The following DNASE1L2 variants were observed in gnomAD, a reference collection of about 807,000 sequenced individuals.
The protein encoded by DNASE1L2 is deoxyribonuclease-1-like 2.
A neutral mutation model predicts 31.8 loss-of-function variants in DNASE1L2; 35 were observed. The ratio of observed to expected loss-of-function variants is 1.10; its 90% CI spans 0.84 to 1.46. The LOEUF (loss-of-function observed/expected upper bound fraction) is 1.46. DNASE1L2 is among the 40% of genes most tolerant of loss of function. The pLI is 0.00. For missense variants in DNASE1L2, 504 were observed against 418.8 expected (o/e 1.20, Z -1.77); for synonymous variants, 211 against 186.5 (o/e 1.13, Z -1.07).
In DNASE1L2 at chr16:2,238,515, C is replaced by CT; in HGVS notation, c.*97_*98insT. ...GGGTGGCAGCCACCCTTCAGTGAGG[C>CT]CCCAAGGCAGAGTCGGCTGGGCGTG... On this transcript the variant is annotated 3_prime_UTR_variant, in exon 7 of 7. Coordinates refer to ENST00000320700, the MANE Select transcript of DNASE1L2 (RefSeq NM_001374.3). The CT allele has an allele frequency of 6.8e-7, 1 of 1,466,378 alleles. No homozygotes were observed. Among genetic ancestry groups the CT allele is most frequent in the Non-Finnish European group, 9.5e-7 (1 of 1,051,854 alleles). The allele number at this position is 1,466,378 out of a possible 1,614,324, so 90.8% of individuals were successfully genotyped here.
At position 2,237,616 on chromosome 16, in the gene DNASE1L2, G is replaced by A. The variant is rs1337432361; in HGVS notation, c.558G>A (p.Val186=). ...CGGAGATCGACGCGCTCTACGACGT[G>A]TACCTGGACGTGATCGACAAGTGGG... ...AVAEIDALYD[V]YLDVIDKWGT... Residue 186 remains valine (V), a synonymous_variant, in exon 5 of 7, where the codon GTG becomes GTA. Transcript: ENST00000320700. The A allele has an allele frequency of 1.2e-6, 2 of 1,609,016 alleles. No individual in the cohort carries two copies. Among genetic ancestry groups the A allele is most frequent in the East Asian group, 4.5e-5 (2 of 44,706 alleles).
Position 2,237,287 on chromosome 16 carries a change from C to T in DNASE1L2, c.303C>T (p.Tyr101=), listed in dbSNP as rs200394725. The change falls in exon 4 of 7, where the codon TAC becomes TAT. Residue 101 remains tyrosine (Y), a synonymous_variant. Coordinates refer to ENST00000320700, the MANE Select transcript of DNASE1L2 (RefSeq NM_001374.3). ...GCCGGGACCAGTACAAGGAGATGTA[C>T]CTGTTCGTGTACAGGTGAGGGGCGG... ...PLGRDQYKEM[Y]LFVYRKDAVS... The T allele has an allele frequency of 8.5e-4, 1,345 of 1,589,266 alleles. No homozygotes were observed. The highest frequency in any genetic ancestry group is 1.1e-3 in the Non-Finnish European group (1,247 of 1,168,970).
At chr16:2,237,683 G>A in intron 5 of DNASE1L2, 34 bp downstream of exon 5, 3 of 1,588,918 alleles carry the variant, frequency 1.9e-6, no homozygotes, top group Non-Finnish European at 2.6e-6. Flanking sequence ...GGTCCCTGCA[G>A]GCGCGCCCCG....
Position 2,236,520 on chromosome 16 carries a change from C to G in DNASE1L2, c.-80C>G, listed in dbSNP as rs1035853237. Reference sequence around the variant, plus strand: ...GCCTGGACCCGGGATCCCCATCCCCCTAGGATCTCTGAGCCTCGGGCCTCT... The same window carrying G: ...GCCTGGACCCGGGATCCCCATCCCCGTAGGATCTCTGAGCCTCGGGCCTCT... On this transcript the variant is annotated 5_prime_UTR_variant, in exon 1 of 7. Transcript: ENST00000320700. 7.4e-6 allele frequency: 9 copies of G among 1,208,644 alleles called. No homozygotes were observed. The East Asian group carries it at 2.9e-4, about 38-fold the overall frequency. The allele number at this position is 1,208,644 out of a possible 1,614,324, so 74.9% of individuals were successfully genotyped here.
Position 2,237,809 on chromosome 16 carries a change from G to A in DNASE1L2, c.634G>A (p.Val212Met). Residue 212 changes from valine (V) to methionine (M), a missense_variant, in exon 6 of 7, where the codon GTG (valine) becomes ATG (methionine). Transcript: ENST00000320700. Reference sequence around the variant, plus strand: ...CGACTTCAACGCCGACTGCAGCTATGTGCGGGCGCAGGACTGGGCCGCCAT... The same window carrying A: ...CGACTTCAACGCCGACTGCAGCTATATGCGGGCGCAGGACTGGGCCGCCAT... ...LGDFNADCSY[V>M]RAQDWAAIRL... The A allele has an allele frequency of 1.2e-6, 2 of 1,610,688 alleles. No individual in the cohort carries two copies. The highest frequency in any genetic ancestry group is 2.2e-5 in the East Asian group (1 of 44,728).
chr16:2,238,445 C>A lies in DNASE1L2; in HGVS notation c.*27C>A. The A allele has an allele frequency of 6.2e-7, 1 of 1,612,990 alleles. No individual in the cohort carries two copies. The highest frequency in any genetic ancestry group is 8.5e-7 in the Non-Finnish European group (1 of 1,179,846). On this transcript the variant is annotated 3_prime_UTR_variant, in exon 7 of 7. Coordinates refer to ENST00000320700, the MANE Select transcript of DNASE1L2 (RefSeq NM_001374.3). ...TCGAGGCCTGGCTGGGGCATGCCAC[C>A]TGCAGACCCTGGCTCTGAGGAATGG...
Position 2,237,990 on chromosome 16 carries a change from A to G in DNASE1L2, c.815A>G (p.Gln272Arg), listed in dbSNP as rs749978804. The change falls in exon 6 of 7, where the codon CAG (glutamine) becomes CGG (arginine). Residue 272 changes from glutamine (Q) to arginine (R), a missense_variant. Transcript: ENST00000320700. Reference sequence around the variant, plus strand: ...CAGTCGGCCACCGTGCACGACTTCCAGGAGGAATTCGGCCTGGACCAGACT... The same window carrying G: ...CAGTCGGCCACCGTGCACGACTTCCGGGAGGAATTCGGCCTGGACCAGACT... Reference protein sequence around the residue: ...KPQSATVHDFQEEFGLDQTQA... With the variant: ...KPQSATVHDFREEFGLDQTQA... The G allele has an allele frequency of 2.5e-6, 4 of 1,605,094 alleles. No homozygotes were observed. Among genetic ancestry groups the G allele is most frequent in the Non-Finnish European group, 3.4e-6 (4 of 1,177,106 alleles).
In DNASE1L2 at chr16:2,236,904, C is replaced by G; in HGVS notation, c.88C>G (p.Gln30Glu). ...AALRIGAFNI[Q>E]SFGDSKVSDP... ...GCTTCGCATCGGAGCCTTCAACATT[C>G]AGAGCTTCGGTGACAGCAAAGTGTC... The change falls in exon 2 of 7, where the codon CAG (glutamine) becomes GAG (glutamate). Residue 30 changes from glutamine (Q) to glutamate (E), a missense_variant. Transcript: ENST00000320700. 1 of 1,592,200 alleles carries G rather than the reference C, an allele frequency of 6.3e-7. No individual in the cohort carries two copies. Among genetic ancestry groups the G allele is most frequent in the South Asian group, 1.1e-5 (1 of 88,382 alleles).
intron 1 of DNASE1L2, 70 bp downstream of exon 1, chr16:2,236,630 C>T: frequency 1.5e-6 from 2 of 1,357,938 alleles, no homozygotes; most frequent in Non-Finnish European, 1.9e-6. Context: ...CAGCTTCCCG[C>T]GCAGTGAGAA....
rs763288743 is a variant in DNASE1L2 at position 2,237,880 on chromosome 16, C to T, written c.705C>T (p.Ser235=). ...SEVFKWLIPD[S]ADTTVGNSDC... is the part of the protein sequence containing the mutation. ...TCTTCAAGTGGCTCATCCCTGACAGCGCCGACACCACGGTGGGCAACTCAG... is the reference window on the plus strand; with the variant it reads ...TCTTCAAGTGGCTCATCCCTGACAGTGCCGACACCACGGTGGGCAACTCAG... Residue 235 remains serine (S), a synonymous_variant, in exon 6 of 7, where the codon AGC becomes AGT. Transcript: ENST00000320700. The T allele has an allele frequency of 5.0e-6, 8 of 1,612,682 alleles. 1 individual carries two copies. The South Asian group carries it at 8.8e-5, about 18-fold the overall frequency.
At position 2,236,812 on chromosome 16, in the gene DNASE1L2, G is replaced by A. The variant is rs1250147572; in HGVS notation, c.-5G>A. On this transcript the variant is annotated 5_prime_UTR_variant, in exon 2 of 7. Coordinates refer to ENST00000320700, the MANE Select transcript of DNASE1L2 (RefSeq NM_001374.3). ...TCTGTCCCTCCCAGCCTCTCGCTCC[G>A]CGCCATGGGCGGGCCCCGGGCTCTG... 2 of 1,592,782 alleles carry A rather than the reference G, an allele frequency of 1.3e-6. No individual in the cohort carries two copies. The highest frequency in any genetic ancestry group is 2.3e-5 in the East Asian group (1 of 44,268).
Position 2,237,625 on chromosome 16 carries a change from C to T in DNASE1L2, c.567C>T (p.Asp189=). 6.2e-7 allele frequency: 1 copy of T among 1,607,986 alleles called. No homozygotes were observed. The highest frequency in any genetic ancestry group is 1.1e-5 in the South Asian group (1 of 90,718). The change falls in exon 5 of 7, where the codon GAC becomes GAT. Residue 189 remains aspartate, a synonymous_variant. Transcript: ENST00000320700. ...ACGCGCTCTACGACGTGTACCTGGA[C>T]GTGATCGACAAGTGGGGCACCGACG... is the stretch of plus-strand genomic sequence containing the variant. ...EIDALYDVYL[D]VIDKWGTDDM... is the part of the protein sequence containing the mutation.
In DNASE1L2 at chr16:2,237,948, G is replaced by T; in HGVS notation, c.773G>T (p.Arg258Leu). 1 of 1,610,490 alleles carries T rather than the reference G, an allele frequency of 6.2e-7. No homozygotes were observed. The highest frequency in any genetic ancestry group is 8.5e-7 in the Non-Finnish European group (1 of 1,179,220). ...ATTGTGGCCTGTGGCGCCCGCCTGC[G>T]CCGGAGCCTGAAGCCCCAGTCGGCC... is the stretch of plus-strand genomic sequence containing the variant. ...DRIVACGARL[R>L]RSLKPQSATV... Residue 258 changes from arginine to leucine, a missense_variant, in exon 6 of 7, where the codon CGC (arginine) becomes CTC (leucine). Arg to Leu is a moderately radical substitution (Grantham distance 102). Coordinates refer to ENST00000320700, the MANE Select transcript of DNASE1L2 (RefSeq NM_001374.3).
chr16:2,237,689 C>T, intron 5 of DNASE1L2, 40 bp downstream of exon 5: 1 of 1,588,556 alleles, frequency 6.3e-7, no homozygotes, highest in Non-Finnish European at 8.6e-7. Flanking sequence ...TGCAGGCGCG[C>T]CCCGGGGGTC....
Position 2,237,501 on chromosome 16 carries a change from C to T in DNASE1L2, c.443C>T (p.Ser148Phe). ...GTGERAPPLP[S>F]RRALTPPPLP... Reference sequence around the variant, plus strand: ...GGTGAGCGGGCCCCGCCCCTCCCCTCCCGCCGAGCTCTGACGCCCCCACCC... The same window carrying T: ...GGTGAGCGGGCCCCGCCCCTCCCCTTCCGCCGAGCTCTGACGCCCCCACCC... The change falls in exon 5 of 7, where the codon TCC becomes TTC. Residue 148 changes from serine (S) to phenylalanine (F), a missense_variant. By Grantham distance (155) the Ser-to-Phe change is radical (BLOSUM62 -2). Transcript: ENST00000320700. 4 of 1,577,014 alleles carry T rather than the reference C, an allele frequency of 2.5e-6. No homozygotes were observed. Among genetic ancestry groups the T allele is most frequent in the Non-Finnish European group, 2.6e-6 (3 of 1,161,774 alleles).
rs755291804 is a variant in DNASE1L2 at position 2,237,019 on chromosome 16, A to G, written c.145-19A>G. 3.9e-6 allele frequency: 6 copies of G among 1,541,226 alleles called. No homozygotes were observed. The African/African-American group carries it at 6.9e-5, about 18-fold the overall frequency. ...GGGTGCTGACCGCGCTGACCCCCGC[A>G]CCCGCCGCTCCTCCCCAGATCCTGG... On this transcript the variant is annotated intron_variant, in intron 2 of 6. Coordinates refer to ENST00000320700, the MANE Select transcript of DNASE1L2 (RefSeq NM_001374.3).
In DNASE1L2 at chr16:2,236,808, C is replaced by G; in HGVS notation, c.-9C>G. 1 of 1,592,260 alleles carries G rather than the reference C, an allele frequency of 6.3e-7. No individual in the cohort carries two copies. Among genetic ancestry groups the G allele is most frequent in the Non-Finnish European group, 8.5e-7 (1 of 1,172,368 alleles). On this transcript the variant is annotated 5_prime_UTR_variant, in exon 2 of 7. Coordinates refer to ENST00000320700, the MANE Select transcript of DNASE1L2 (RefSeq NM_001374.3). ...AGCGTCTGTCCCTCCCAGCCTCTCG[C>G]TCCGCGCCATGGGCGGGCCCCGGGC...
At chr16:2,237,154 AC>A (rs2093513826) in intron 3 of DNASE1L2, 28 bp downstream of exon 3, 4 of 1,542,644 alleles carry the variant, frequency 2.6e-6, no homozygotes, top group Admixed American at 2.0e-5. Flanking sequence ...CCTCGTCGCG[AC>A]CCCCCGCCGG....
At chr16:2,237,017 G>A in intron 2 of DNASE1L2, 21 bp from the exon 3 acceptor site, 2 of 1,544,798 alleles carry the variant, frequency 1.3e-6, no homozygotes, top group Non-Finnish European at 8.7e-7. Flanking sequence ...GCTGACCCCC[G>A]CACCCGCCGC....
Sources: allele counts gnomAD v4.1 joint callset, GRCh38; gene constraint gnomAD v4.1.1; transcripts MANE v1.5; gene names NCBI Gene and HGNC (gene_info 2026-07-23, HGNC 2026-07-21).